Variants in NOL4L observed in about 807,000 individuals in gnomAD.
NOL4L encodes nucleolar protein 4 like.
Under a neutral mutation model 64.5 loss-of-function variants are expected in NOL4L, and 7 were observed. The ratio of observed to expected loss-of-function variants is 0.11; its 90% CI spans 0.06 to 0.20. The LOEUF is 0.20. Among genes scored for constraint, NOL4L ranks in the 10% least tolerant of loss-of-function variants. NOL4L has a pLI of 1.00. For missense variants in NOL4L, 680 were observed against 967.1 expected (o/e 0.70, Z 3.94); for synonymous variants, 413 against 401.0 (o/e 1.03, Z -0.36).
In NOL4L at chr20:32,446,187, A is replaced by G. The variant is rs2012321425; in HGVS notation, c.*1409T>C. The G allele has an allele frequency of 6.6e-6, 1 of 152,328 alleles. No homozygotes were observed. The highest frequency in any genetic ancestry group is 1.5e-5 in the Non-Finnish European group (1 of 68,158). 9.4% of individuals were successfully genotyped at this position (152,328 alleles called of 1,614,324 possible). A position where few individuals can be genotyped will look rare whatever the true frequency, so the allele number is the denominator to read the frequency against. ...TGAGGTCTGGGCGAGTCCCTGGTTTAGCAGCACTGGTAGGTATTGCACTGA... is the reference window on the plus strand; with the variant it reads ...TGAGGTCTGGGCGAGTCCCTGGTTTGGCAGCACTGGTAGGTATTGCACTGA... On this transcript the variant is annotated 3_prime_UTR_variant, in exon 11 of 11. Transcript: ENST00000621426.
At chr20:32,533,619 A>C (rs1210851881) in intron 1 of NOL4L, 3 of 152,228 alleles carry the variant, frequency 2.0e-5, no homozygotes, top group Non-Finnish European at 2.9e-5. Context: ...ATTGGGCAAC[A>C]TTAGTATAAA....
chr20:32,468,589 G>A (rs560566075), intron 5 of NOL4L, among the ~76,000 whole-genome samples: 14 of 152,234 alleles, frequency 9.2e-5, no homozygotes, highest in Non-Finnish European at 1.5e-4. Flanking sequence ...ACCCTGCAGC[G>A]CCACTTCCAG....
chr20:32,481,100 A>G (rs902224102), intron 4 of NOL4L, among the ~76,000 whole-genome samples: 1 of 152,192 alleles, frequency 6.6e-6, no homozygotes, highest in Non-Finnish European at 1.5e-5. Flanking sequence ...TCAGAAGCGT[A>G]TTCCCATCTA....
rs1384343483 is a variant in NOL4L, at chr20:32,490,145, AT to A, written c.700-15404del. On this transcript the variant is annotated intron_variant, in intron 4 of 10. Transcript: ENST00000621426. ...CTCCATCTCAAAAAAAAAAAAAAAAATATATATACACATATATATATGTATA... is the reference window on the plus strand; with the variant it reads ...CTCCATCTCAAAAAAAAAAAAAAAAAATATATACACATATATATATGTATA... Among the ~76,000 whole-genome samples, 26 of 41,778 alleles carry A rather than the reference AT, an allele frequency of 6.2e-4. 1 individual carries two copies. The highest frequency in any genetic ancestry group is 6.3e-4 in the Non-Finnish European group (17 of 26,962). The allele number at this position is 41,778 out of a possible 152,430, so 27.4% of individuals were successfully genotyped here. A position where few individuals can be genotyped will look rare whatever the true frequency, so the allele number is the denominator to read the frequency against.
intron 10 of NOL4L, among the ~76,000 whole-genome samples, chr20:32,448,823 G>GAGTC (rs1600615489): frequency 6.6e-6 from 1 of 152,240 alleles, no homozygotes; most frequent in African/African-American, 2.4e-5. Context: ...CCTGGCTTTG[G>GAGTC]AGTCAGGCAA....
intron 1 of NOL4L, chr20:32,548,776 A>T: frequency 2.3e-6 from 1 of 433,674 alleles, no homozygotes; most frequent in South Asian, 1.7e-5. Flanking sequence ...ATATTCAGGG[A>T]TGTTCACTGA....
chr20:32,484,880 AAC>A (rs1215522271), intron 4 of NOL4L, among the ~76,000 whole-genome samples: 5 of 151,702 alleles, frequency 3.3e-5, no homozygotes, highest in African/African-American at 1.2e-4. Flanking sequence ...CCCGAAAAGC[AAC>A]ACTCTCATCA....
intron 10 of NOL4L, chr20:32,449,904 TCTC>T (rs1384625420): frequency 6.6e-6 from 1 of 152,372 alleles, no homozygotes; most frequent in Non-Finnish European, 1.5e-5. Context: ...TCCTTTCTTT[TCTC>T]CTCTCCCCAA....
At chr20:32,528,454 AACG>A (rs1214042420) in intron 1 of NOL4L, among the ~76,000 whole-genome samples, 1 of 152,106 alleles carries the variant, frequency 6.6e-6, no homozygotes, top group African/African-American at 2.4e-5. Context: ...GAGCGCCAGC[AACG>A]GCACCCGGGC....
At chr20:32,538,153 G>C (rs1390100404) in intron 1 of NOL4L, among the ~76,000 whole-genome samples, 2 of 152,094 alleles carry the variant, frequency 1.3e-5, no homozygotes, top group Non-Finnish European at 1.5e-5. Context: ...AGTCATTCTA[G>C]GCCACCCCTT....
chr20:32,536,288 G>A (rs934178364), intron 1 of NOL4L: 5 of 985,254 alleles, frequency 5.1e-6, no homozygotes, highest in Admixed American at 6.1e-5. Flanking sequence ...GCCAGGCCCC[G>A]CGGGCGGGTC....
chr20:32,537,066 C>T (rs1222559784), intron 1 of NOL4L: 1 of 985,104 alleles, frequency 1.0e-6, no homozygotes. Context: ...GCCCCGCCCC[C>T]CCGGGACGCT....
intron 1 of NOL4L, among the ~76,000 whole-genome samples, chr20:32,564,068 C>A (rs926253318): frequency 2.0e-5 from 3 of 152,206 alleles, no homozygotes; most frequent in Non-Finnish European, 2.9e-5. Flanking sequence ...CCCGGTGCAG[C>A]CTGAGCCAGC....
chr20:32,486,061 C>G (rs953241051), intron 4 of NOL4L, among the ~76,000 whole-genome samples: 1 of 152,222 alleles, frequency 6.6e-6, no homozygotes, highest in Admixed American at 6.5e-5. Flanking sequence ...CCCTGCTCAA[C>G]CCACAGAAAA....
chr20:32,526,061 AT>A (rs58923296), intron 2 of NOL4L, among the ~76,000 whole-genome samples: 20,879 of 148,402 alleles, frequency 0.14, 2,082 homozygotes, highest in African/African-American at 0.29. Flanking sequence ...CCTGGCCCCA[AT>A]TTTTTTTTTT....
At chr20:32,447,887 G>A in intron 10 of NOL4L, 71 bp from the exon 11 acceptor site, 1 of 1,508,332 alleles carries the variant, frequency 6.6e-7, no homozygotes, top group Non-Finnish European at 8.9e-7. Context: ...TACCTTCCTT[G>A]GCACTGTCAT....
rs1407002066 is a variant in NOL4L at position 32,527,929 on chromosome 20, C to A, written c.322-16G>T. Reference sequence around the variant, plus strand: ...CATCTGCCCCCTGCGACAGGGTGGACAAGCTGTGTTAGTGTCAGGAATGAT... The same window carrying A: ...CATCTGCCCCCTGCGACAGGGTGGAAAAGCTGTGTTAGTGTCAGGAATGAT... On this transcript the variant is annotated splice_polypyrimidine_tract_variant and intron_variant, in intron 1 of 10. Coordinates refer to ENST00000621426, the MANE Select transcript of NOL4L (RefSeq NM_001256798.2). 5.2e-6 allele frequency: 8 copies of A among 1,545,804 alleles called. No individual in the cohort carries two copies. The South Asian group carries it at 9.5e-5, about 18-fold the overall frequency.
In NOL4L at chr20:32,456,142, T is replaced by C; in HGVS notation, c.1095A>G (p.Lys365=). Reference sequence around the variant, plus strand: ...CCTCGGGGGTGGTCTTCACCCCGTATTTGACGCGGCTCCGCAGCCCGTCGG... The same window carrying C: ...CCTCGGGGGTGGTCTTCACCCCGTACTTGACGCGGCTCCGCAGCCCGTCGG... ...CGADGLRSRV[K]YGVKTTPESP... Residue 365 remains lysine, a synonymous_variant, in exon 6 of 11, where the codon AAA becomes AAG. Coordinates refer to ENST00000621426, the MANE Select transcript of NOL4L (RefSeq NM_001256798.2). 6.4e-7 allele frequency: 1 copy of C among 1,553,020 alleles called. No individual in the cohort carries two copies. The highest frequency in any genetic ancestry group is 2.4e-5 in the East Asian group (1 of 42,450).
intron 1 of NOL4L, among the ~76,000 whole-genome samples, chr20:32,568,839 C>A (rs1433389520): frequency 6.6e-6 from 1 of 152,180 alleles, no homozygotes; most frequent in Non-Finnish European, 1.5e-5. Flanking sequence ...TTGGGTAGGT[C>A]GGACCCCCCT....
Sources: allele counts gnomAD v4.1 joint callset (sites outside exome capture counted in the v4.1 genomes callset), GRCh38; gene constraint gnomAD v4.1.1; transcripts MANE v1.5; gene names NCBI Gene and HGNC (gene_info 2026-07-23, HGNC 2026-07-21).